CHCHD3: variants seen among roughly 807,000 people sequenced by gnomAD.
CHCHD3 encodes MICOS complex subunit MIC19.
Under a neutral mutation model 38.2 loss-of-function variants are expected in CHCHD3, and 20 were observed. The observed-to-expected ratio is 0.52, with a 90% CI of 0.37 to 0.76. CHCHD3 has a LOEUF of 0.76. CHCHD3 is among the 30% of genes least tolerant of loss of function. The pLI, the probability that CHCHD3 is intolerant of heterozygous loss-of-function variation, is 0.00. For missense variants in CHCHD3, 245 were observed against 279.2 expected, an observed-to-expected ratio of 0.88 and a Z score of 0.87; for synonymous variants, 82 against 100.0, an observed-to-expected ratio of 0.82 and a Z score of 1.07.
intron 4 of CHCHD3, among the ~76,000 whole-genome samples, chr7:132,933,143 C>T (rs1442231864): frequency 2.0e-5 from 3 of 152,130 alleles, no homozygotes; most frequent in Non-Finnish European, 4.4e-5. Flanking sequence ...ACATCCTGAA[C>T]GTTAAACAGA....
chr7:132,995,116 G>C (rs1160384898), intron 3 of CHCHD3, among the ~76,000 whole-genome samples: 2 of 152,156 alleles, frequency 1.3e-5, no homozygotes, highest in African/African-American at 4.8e-5. Context: ...CAAAATGGTA[G>C]AAACATGTAT....
chr7:132,787,862 T>C lies in CHCHD3; in HGVS notation c.661-2202A>G, dbSNP rs1806360802. Among the ~76,000 whole-genome samples the C allele has an allele frequency of 2.0e-5, 3 of 152,132 alleles. No homozygotes were observed. The South Asian group carries it at 6.2e-4, about 32-fold the overall frequency. On this transcript the variant is annotated intron_variant, in intron 7 of 7. Coordinates refer to ENST00000262570, the MANE Select transcript of CHCHD3 (RefSeq NM_017812.4). ...ACAGTGGTGAGAAAAACAATGATTC[T>C]GTCATACAGGAGGTAAATTAGAAAA... is the stretch of plus-strand genomic sequence containing the variant.
intron 4 of CHCHD3, among the ~76,000 whole-genome samples, chr7:132,921,165 G>A (rs531688618): frequency 2.0e-5 from 3 of 151,990 alleles, no homozygotes; most frequent in South Asian, 2.1e-4. Context: ...CAATATTTTC[G>A]CTCTTTTATT....
chr7:132,917,597 G>A (rs531841574), intron 4 of CHCHD3, among the ~76,000 whole-genome samples: 32 of 152,148 alleles, frequency 2.1e-4, no homozygotes, highest in Non-Finnish European at 4.4e-4. Flanking sequence ...GGTGGCTCAC[G>A]CCTGTAATCT....
intron 6 of CHCHD3, among the ~76,000 whole-genome samples, chr7:132,799,026 T>C (rs1806697121): frequency 6.8e-6 from 1 of 146,886 alleles, no homozygotes; most frequent in Admixed American, 6.8e-5. Flanking sequence ...TGTGTGTGTG[T>C]GTGTGTGTGT....
chr7:132,820,659 CT>C (rs1807348062), intron 6 of CHCHD3, among the ~76,000 whole-genome samples: 1 of 62,370 alleles, frequency 1.6e-5, no homozygotes, highest in African/African-American at 6.1e-5. Flanking sequence ...ATCTAGTCTT[CT>C]TTTCTGAACT....
rs1813280414 is a variant in CHCHD3, at chr7:133,024,557, T to A, written c.240A>T (p.Glu80Asp). 1.9e-6 allele frequency: 3 copies of A among 1,612,854 alleles called. No individual in the cohort carries two copies. In the African/African-American group the frequency reaches 4.0e-5, roughly 22 times the overall value. ...LALEQAKKES[E>D]DQKRLKQAKE... ...ACCACAAAACTCACCGTTTCTGATC[T>A]TCGGATTCTTTCTTGGCTTGCTCCA... Residue 80 changes from glutamate (E) to aspartate (D), a missense_variant, in exon 3 of 8, where the codon GAA (glutamate) becomes GAT (aspartate). Coordinates refer to ENST00000262570, the MANE Select transcript of CHCHD3 (RefSeq NM_017812.4).
chr7:133,068,022 A>C (rs1391199807), intron 2 of CHCHD3, among the ~76,000 whole-genome samples: 1 of 152,142 alleles, frequency 6.6e-6, no homozygotes, highest in Non-Finnish European at 1.5e-5. Context: ...AGACTGAGGC[A>C]GGAGAATGGC....
chr7:132,887,458 T>A (rs762635364), intron 4 of CHCHD3, among the ~76,000 whole-genome samples: 1 of 150,692 alleles, frequency 6.6e-6, no homozygotes, highest in South Asian at 2.1e-4. Flanking sequence ...TGAAAAAGAA[T>A]AGACTCATAA....
chr7:132,996,697 A>G (rs1338932144), intron 3 of CHCHD3, among the ~76,000 whole-genome samples: 1 of 152,208 alleles, frequency 6.6e-6, no homozygotes, highest in Non-Finnish European at 1.5e-5. Context: ...GTCGCTAATC[A>G]GCAACCTAAT....
At chr7:133,001,408 G>A (rs1263879812) in intron 3 of CHCHD3, among the ~76,000 whole-genome samples, 1 of 152,158 alleles carries the variant, frequency 6.6e-6, no homozygotes. Flanking sequence ...CCTTGAAAAT[G>A]ATTATCTGAA....
intron 2 of CHCHD3, chr7:133,051,966 AG>A (rs1814181870): frequency 6.6e-6 from 1 of 152,238 alleles, no homozygotes; most frequent in Non-Finnish European, 1.5e-5. Context: ...TAAGGCCCAG[AG>A]AAATAAAGAA....
intron 4 of CHCHD3, among the ~76,000 whole-genome samples, chr7:132,922,871 C>A (rs1180336165): frequency 3.3e-5 from 5 of 152,132 alleles, no homozygotes; most frequent in African/African-American, 1.2e-4. Flanking sequence ...AACCCTTGGC[C>A]AATAATGAGG....
intron 3 of CHCHD3, among the ~76,000 whole-genome samples, chr7:132,994,410 A>AT (rs1812362175): frequency 6.6e-6 from 1 of 152,202 alleles, no homozygotes; most frequent in African/African-American, 2.4e-5. Context: ...TAAGTTCAAG[A>AT]TTAAACTTCA....
intron 3 of CHCHD3, among the ~76,000 whole-genome samples, chr7:132,980,270 G>C (rs532407705): frequency 6.6e-6 from 1 of 152,308 alleles, no homozygotes; most frequent in South Asian, 2.1e-4. Context: ...GTAAAGGCAG[G>C]AGATAAAATA....
intron 4 of CHCHD3, among the ~76,000 whole-genome samples, chr7:132,956,863 T>C (rs1811186411): frequency 6.6e-6 from 1 of 152,206 alleles, no homozygotes; most frequent in African/African-American, 2.4e-5. Flanking sequence ...GAAGGGCTGC[T>C]AAGAAAACTG....
rs556398331 is a variant in CHCHD3, at chr7:133,017,086, A to G, written c.251+7460T>C. 5.3e-5 allele frequency among the ~76,000 whole-genome samples: 8 copies of G among 152,334 alleles called. No homozygotes were observed. The South Asian group carries it at 1.4e-3, about 28-fold the overall frequency. On this transcript the variant is annotated intron_variant, in intron 3 of 7. Transcript: ENST00000262570. ...TCTTGAAGAAAGCCCCAGTTAGCAC[A>G]AGGGCCTGGGTCTTTAGGAAGGAAA... is the stretch of plus-strand genomic sequence containing the variant.
chr7:132,986,399 A>C (rs1812122380), intron 3 of CHCHD3, among the ~76,000 whole-genome samples: 1 of 142,916 alleles, frequency 7.0e-6, no homozygotes, highest in African/African-American at 2.6e-5. Flanking sequence ...TGATCAATAA[A>C]AAAAAGAAAA....
At chr7:133,012,851 G>A (rs1250449837) in intron 3 of CHCHD3, among the ~76,000 whole-genome samples, 1 of 122,768 alleles carries the variant, frequency 8.1e-6, no homozygotes, top group Admixed American at 8.2e-5. Flanking sequence ...AGAGGGGAGG[G>A]GAAGGGAGGG....
Sources: allele counts gnomAD v4.1 joint callset (sites outside exome capture counted in the v4.1 genomes callset), GRCh38; gene constraint gnomAD v4.1.1; transcripts MANE v1.5; gene names NCBI Gene and HGNC (gene_info 2026-07-23, HGNC 2026-07-21).